The following BTBD8 variants were observed in gnomAD, a reference collection of about 807,000 sequenced individuals.
BTBD8 encodes the protein BTB/POZ domain-containing protein 8.
BTBD8 carries 110 observed loss-of-function variants against 162.9 expected under a neutral mutation model. The ratio of observed to expected loss-of-function variants is 0.68; its 90% CI spans 0.58 to 0.79. The LOEUF is 0.79. Among genes scored for constraint, BTBD8 ranks in the 30% least tolerant of loss-of-function variants. BTBD8 has a pLI of 0.00. For missense variants in BTBD8, 1,905 were observed against 2,085.4 expected, an observed-to-expected ratio of 0.91 and a Z score of 1.68; for synonymous variants, 667 against 716.1, an observed-to-expected ratio of 0.93 and a Z score of 1.10.
At chr1:92,116,284 A>G (rs1021990330) in intron 4 of BTBD8, among the ~76,000 whole-genome samples, 1 of 152,082 alleles carries the variant, frequency 6.6e-6, no homozygotes, top group Non-Finnish European at 1.5e-5. Flanking sequence ...TGAATGTTCC[A>G]CATGTACTTA....
intron 4 of BTBD8, among the ~76,000 whole-genome samples, chr1:92,120,245 A>G (rs957246258): frequency 6.6e-6 from 1 of 152,178 alleles, no homozygotes; most frequent in Non-Finnish European, 1.5e-5. Flanking sequence ...TTTTGTTAAA[A>G]ATTGAGACAG....
At chr1:92,116,678 T>A (rs903578312) in intron 4 of BTBD8, among the ~76,000 whole-genome samples, 1 of 152,080 alleles carries the variant, frequency 6.6e-6, no homozygotes, top group Admixed American at 6.5e-5. Flanking sequence ...GTATTCTTTT[T>A]ATATCCTTTA....
intron 4 of BTBD8, chr1:92,115,860 G>A (rs1283556705): frequency 6.3e-6 from 1 of 157,484 alleles, no homozygotes; most frequent in East Asian, 1.7e-4. Context: ...CAGATGGCAA[G>A]GTTCTGTCAC....
chr1:92,177,803 AT>A lies in BTBD8; in HGVS notation c.2354-5del. On this transcript the variant is annotated splice_polypyrimidine_tract_variant and splice_region_variant and intron_variant, in intron 14 of 17. Coordinates refer to ENST00000636805, the MANE Select transcript of BTBD8 (RefSeq NM_001376131.1). ...CTCTCTTATGACTCACTTTTTCTTA[AT>A]TTATAGCCATAAAATCTCGACCTGT... 1 of 1,489,776 alleles carries A rather than the reference AT, an allele frequency of 6.7e-7. No homozygotes were observed. 92.3% of individuals were successfully genotyped at this position (1,489,776 alleles called of 1,614,324 possible).
chr1:92,114,870 G>T, intron 4 of BTBD8: 1 of 331,980 alleles, frequency 3.0e-6, no homozygotes, highest in Non-Finnish European at 5.8e-6. Flanking sequence ...TCATTGTCAT[G>T]CTGGGAAATG....
chr1:92,095,986 T>C (rs903600337), intron 2 of BTBD8, among the ~76,000 whole-genome samples: 2 of 151,684 alleles, frequency 1.3e-5, no homozygotes, highest in Admixed American at 6.6e-5. Flanking sequence ...TTTTTTTTTT[T>C]TCTGAGACAG....
intron 2 of BTBD8, among the ~76,000 whole-genome samples, chr1:92,098,295 G>C (rs970936344): frequency 2.6e-5 from 4 of 152,088 alleles, no homozygotes; most frequent in Non-Finnish European, 5.9e-5. Context: ...CCTACATATA[G>C]ATATACTGTA....
chr1:92,091,278 TTTC>T (rs1379067870), intron 2 of BTBD8, among the ~76,000 whole-genome samples: 1 of 152,196 alleles, frequency 6.6e-6, no homozygotes, highest in Non-Finnish European at 1.5e-5. Context: ...GACATGCTGC[TTTC>T]TTCTTCGCCT....
intron 16 of BTBD8, 42 bp from the exon 17 acceptor site, chr1:92,180,223 G>A: frequency 7.4e-7 from 1 of 1,347,664 alleles, no homozygotes; most frequent in East Asian, 2.6e-5. Flanking sequence ...ACAAATTGGA[G>A]GTGATATTAC....
rs1650753186 is a variant in BTBD8, at chr1:92,177,423, G to A, written c.2230G>A (p.Asp744Asn). ...MEFSISTECL[D>N]EPKENGSTEE... ...ATTCTCAATTTCCACTGAATGTCTG[G>A]ATGAACCGAAAGAAAATGGATCAAC... The change falls in exon 14 of 18, where the codon GAT becomes AAT. Residue 744 changes from aspartate to asparagine, a missense_variant. Around this residue, in one of 3 missense-constraint regions of BTBD8, gnomAD observed 1,374 missense variants for 1,442.7 expected, o/e 0.95. Coordinates refer to ENST00000636805, the MANE Select transcript of BTBD8 (RefSeq NM_001376131.1). 6.4e-7 allele frequency: 1 copy of A among 1,551,744 alleles called. No homozygotes were observed. The highest frequency in any genetic ancestry group is 8.7e-7 in the Non-Finnish European group (1 of 1,147,014).
At chr1:92,146,380 A>G (rs1649920006) in intron 7 of BTBD8, among the ~76,000 whole-genome samples, 2 of 152,332 alleles carry the variant, frequency 1.3e-5, no homozygotes, top group South Asian at 2.1e-4. Flanking sequence ...TCTTCCACAC[A>G]TGCATAGCTT....
At chr1:92,139,251 T>G (rs1557453447) in intron 5 of BTBD8, 99 bp from the exon 6 acceptor site, 3 of 1,282,470 alleles carry the variant, frequency 2.3e-6, no homozygotes, top group East Asian at 2.5e-5. Flanking sequence ...AAAGGAAGAT[T>G]AGAACATCAT....
At chr1:92,133,661 G>T (rs1403682855) in intron 5 of BTBD8, among the ~76,000 whole-genome samples, 1 of 152,198 alleles carries the variant, frequency 6.6e-6, no homozygotes, top group Non-Finnish European at 1.5e-5. Context: ...AATAATTTGA[G>T]TGTGGGGACA....
rs533633024 is a variant in BTBD8 at position 92,105,453 on chromosome 1, G to A, written c.545-2431G>A. Among the ~76,000 whole-genome samples, 48 of 150,694 alleles carry A rather than the reference G, an allele frequency of 3.2e-4. No individual in the cohort carries two copies. In the South Asian group the frequency reaches 9.2e-3, roughly 29 times the overall value. ...TTCTTAGTAGAGATGAGGTTTCCCT[G>A]CGTTGCCCAGGCTGGTCTTGAACTC... On this transcript the variant is annotated intron_variant, in intron 3 of 17. Transcript: ENST00000636805.
intron 3 of BTBD8, among the ~76,000 whole-genome samples, chr1:92,106,689 A>AAAAAAG (rs1648738027): frequency 6.8e-6 from 1 of 147,450 alleles, no homozygotes; most frequent in South Asian, 2.2e-4. Context: ...AAAAAAAAAA[A>AAAAAAG]GTGTAGTCCT....
chr1:92,117,527 G>A (rs548529941), intron 4 of BTBD8, among the ~76,000 whole-genome samples: 3 of 151,860 alleles, frequency 2.0e-5, no homozygotes, highest in South Asian at 2.1e-4. Flanking sequence ...AGTTCTGGCC[G>A]GAAGGAACTT....
In BTBD8 at chr1:92,182,504, C is replaced by T; in HGVS notation, c.4821C>T (p.Asp1607=). 6.5e-7 allele frequency: 1 copy of T among 1,549,726 alleles called. No individual in the cohort carries two copies. The highest frequency in any genetic ancestry group is 1.4e-5 in the African/African-American group (1 of 73,062). ...AGAACAGCTCTACAAAATCTCTAGA[C>T]TCCTTTCGGAGTCAAGTTCTGCCTC... ...IPKNSSTKSL[D]SFRSQVLPQE... Residue 1607 remains aspartate (D), a synonymous_variant, in exon 17 of 18, where the codon GAC becomes GAT. Coordinates refer to ENST00000636805, the MANE Select transcript of BTBD8 (RefSeq NM_001376131.1).
At chr1:92,131,658 A>C (rs1448267180) in intron 5 of BTBD8, among the ~76,000 whole-genome samples, 1 of 147,330 alleles carries the variant, frequency 6.8e-6, no homozygotes, top group Non-Finnish European at 1.5e-5. Flanking sequence ...GGGGAGGCAG[A>C]GGTTGCAGTG....
chr1:92,165,692 C>T (rs982729580), intron 9 of BTBD8, among the ~76,000 whole-genome samples: 1 of 152,064 alleles, frequency 6.6e-6, no homozygotes, highest in Non-Finnish European at 1.5e-5. Flanking sequence ...TTGCCTGTGG[C>T]GGCTGCATTC....
Sources: gnomAD v4.1 joint callset for allele counts (sites outside exome capture counted in the v4.1 genomes callset) on GRCh38, gnomAD v4.1.1 for gene constraint, gnomAD v4.1.1 regional missense constraint, MANE v1.5 for transcripts, NCBI Gene and HGNC (gene_info 2026-07-23, HGNC 2026-07-21) for gene names.